The following SMAD3 variants were observed in gnomAD, a reference collection of about 807,000 sequenced individuals.
SMAD3 encodes SMAD family member 3.
A neutral mutation model predicts 51.8 loss-of-function variants in SMAD3; 12 were observed. That is an observed-to-expected ratio of 0.23 (90% CI 0.15 to 0.38). SMAD3 has a LOEUF of 0.38. Ranked by LOEUF, SMAD3 falls within the 10% of genes least tolerant of loss-of-function variation. SMAD3 has a pLI of 1.00. For synonymous variants in SMAD3, 238 were observed against 227.7 expected (o/e 1.05, Z -0.41); for missense variants, 294 against 565.6 (o/e 0.52, Z 4.87).
intron 1 of SMAD3, among the ~76,000 whole-genome samples, chr15:67,120,035 G>A (rs1441652736): frequency 1.3e-5 from 2 of 152,182 alleles, no homozygotes; most frequent in Non-Finnish European, 2.9e-5. Flanking sequence ...GAGCTCAAGC[G>A]ATCTGCCCAC....
At chr15:67,107,900 C>T (rs1960913965) in intron 1 of SMAD3, among the ~76,000 whole-genome samples, 1 of 152,128 alleles carries the variant, frequency 6.6e-6, no homozygotes, top group African/African-American at 2.4e-5. Flanking sequence ...AGTCATCCTC[C>T]CTCACCTAGG....
intron 1 of SMAD3, among the ~76,000 whole-genome samples, chr15:67,117,723 T>C (rs1168597276): frequency 1.3e-5 from 2 of 152,238 alleles, no homozygotes; most frequent in Non-Finnish European, 2.9e-5. Context: ...TGATCAAGTG[T>C]AATGTTTTAA....
intron 1 of SMAD3, among the ~76,000 whole-genome samples, chr15:67,096,207 G>A (rs1207354715): frequency 6.6e-6 from 1 of 152,176 alleles, no homozygotes; most frequent in East Asian, 1.9e-4. Flanking sequence ...AATGATGACG[G>A]AAGAAGGGAA....
intron 1 of SMAD3, among the ~76,000 whole-genome samples, chr15:67,097,926 A>G (rs1361946792): frequency 1.3e-5 from 2 of 152,162 alleles, no homozygotes; most frequent in African/African-American, 4.8e-5. Context: ...TACTGGAATG[A>G]AAGAAAAATT....
At chr15:67,170,503 C>T (rs758348850) in intron 4 of SMAD3, 51 bp from the exon 5 acceptor site, 7 of 1,516,634 alleles carry the variant, frequency 4.6e-6, no homozygotes, top group African/African-American at 1.4e-5. Context: ...TAACTTGGCT[C>T]TCCAGGCCAA....
At chr15:67,173,300 C>G (rs188696728) in intron 5 of SMAD3, among the ~76,000 whole-genome samples, 1 of 151,972 alleles carries the variant, frequency 6.6e-6, no homozygotes, top group Non-Finnish European at 1.5e-5. Context: ...ACCTGTAATG[C>G]GTTGTGCCAG....
At chr15:67,084,174 C>T (rs1305690470) in intron 1 of SMAD3, among the ~76,000 whole-genome samples, 1 of 137,526 alleles carries the variant, frequency 7.3e-6, no homozygotes, top group African/African-American at 2.7e-5. Context: ...CTCCGGGGTT[C>T]ATGCTATTCT....
At chr15:67,154,393 C>T (rs1962227451) in intron 1 of SMAD3, among the ~76,000 whole-genome samples, 2 of 152,134 alleles carry the variant, frequency 1.3e-5, no homozygotes, top group African/African-American at 4.8e-5. Context: ...TCTTCATGTC[C>T]AATCTAAACT....
intron 1 of SMAD3, chr15:67,098,569 C>T (rs767466481): frequency 1.3e-4 from 49 of 370,644 alleles, no homozygotes; most frequent in Admixed American, 1.9e-4. Context: ...CACTCCCTGG[C>T]GAACAGCTTG....
chr15:67,165,042 C>T lies in SMAD3; in HGVS notation c.354C>T (p.Asp118=), dbSNP rs752196822. Residue 118 remains aspartate (D), a synonymous_variant, in exon 2 of 9, where the codon GAC becomes GAT. Transcript: ENST00000327367. ...LCEFAFNMKK[D]EVCVNPYHYQ... is the part of the protein sequence containing the mutation. ...AGTTCGCCTTCAATATGAAGAAGGA[C>T]GAGGTCTGCGTGAATCCCTACCACT... is the stretch of plus-strand genomic sequence containing the variant. The T allele has an allele frequency of 1.5e-5, 25 of 1,614,052 alleles. No individual in the cohort carries two copies. The Admixed American group carries it at 1.8e-4, about 12-fold the overall frequency.
Position 67,192,824 on chromosome 15 carries a change from T to C in SMAD3, c.*2288T>C, listed in dbSNP as rs1963401688. The C allele has an allele frequency of 4.3e-6, 1 of 233,278 alleles. No individual in the cohort carries two copies. The allele number at this position is 233,278 out of a possible 1,614,324, so 14.5% of individuals were successfully genotyped here. Reference sequence around the variant, plus strand: ...TTTGAATGTGATGAAATGACACGTTTGGCTGCATTTGGATGGTGTCTTAGA... The same window carrying C: ...TTTGAATGTGATGAAATGACACGTTCGGCTGCATTTGGATGGTGTCTTAGA... On this transcript the variant is annotated 3_prime_UTR_variant, in exon 9 of 9. Transcript: ENST00000327367.
chr15:67,149,939 T>C (rs1460341696), intron 1 of SMAD3, among the ~76,000 whole-genome samples: 1 of 152,330 alleles, frequency 6.6e-6, no homozygotes, highest in East Asian at 1.9e-4. Flanking sequence ...TCAAGAAACA[T>C]GGTCATTTCC....
intron 1 of SMAD3, among the ~76,000 whole-genome samples, chr15:67,078,361 G>C (rs1331545930): frequency 6.6e-6 from 1 of 152,168 alleles, no homozygotes; most frequent in Non-Finnish European, 1.5e-5. Context: ...ACCGTCTCTG[G>C]TCAGTGTTTT....
intron 1 of SMAD3, among the ~76,000 whole-genome samples, chr15:67,143,910 C>A (rs1406075047): frequency 2.0e-5 from 3 of 152,040 alleles, no homozygotes; most frequent in Non-Finnish European, 4.4e-5. Flanking sequence ...GCTGGGAGTA[C>A]AGCCTGCTTT....
intron 1 of SMAD3, among the ~76,000 whole-genome samples, chr15:67,075,774 G>T (rs1960153757): frequency 6.6e-6 from 1 of 152,054 alleles, no homozygotes; most frequent in Non-Finnish European, 1.5e-5. Flanking sequence ...AATTAGCCGG[G>T]CATGGTAGCG....
intron 1 of SMAD3, among the ~76,000 whole-genome samples, chr15:67,157,318 A>T (rs1399943353): frequency 2.6e-5 from 4 of 152,236 alleles, no homozygotes; most frequent in Non-Finnish European, 5.9e-5. Flanking sequence ...GCTGTGATTG[A>T]TGAATGGTCA....
intron 5 of SMAD3, among the ~76,000 whole-genome samples, chr15:67,172,033 A>G (rs1468343774): frequency 4.6e-5 from 7 of 152,202 alleles, no homozygotes; most frequent in Non-Finnish European, 8.8e-5. Flanking sequence ...CTTTGAAACC[A>G]TAGCAGTCCC....
At chr15:67,171,827 A>G (rs751569696) in intron 5 of SMAD3, among the ~76,000 whole-genome samples, 34 of 152,226 alleles carry the variant, frequency 2.2e-4, no homozygotes, top group Non-Finnish European at 4.3e-4. Context: ...ATATGAAAGG[A>G]CTGAGTTATT....
At chr15:67,109,589 G>A (rs1384919011) in intron 1 of SMAD3, among the ~76,000 whole-genome samples, 2 of 152,154 alleles carry the variant, frequency 1.3e-5, no homozygotes, top group Non-Finnish European at 2.9e-5. Context: ...AAATGTTAAT[G>A]TGAGGTTATG....
Sources: allele counts gnomAD v4.1 joint callset (sites outside exome capture counted in the v4.1 genomes callset), GRCh38; gene constraint gnomAD v4.1.1; transcripts MANE v1.5; gene names NCBI Gene and HGNC (gene_info 2026-07-23, HGNC 2026-07-21).